LURAP1L: variants seen among roughly 807,000 people sequenced by gnomAD.
LURAP1L encodes leucine rich adaptor protein 1 like, also known as leucine rich adaptor protein 1-like.
In LURAP1L, 12 loss-of-function variants were observed where a neutral mutation model predicts 13.8. The ratio of observed to expected loss-of-function variants is 0.87; its 90% CI spans 0.56 to 1.41. The LOEUF (loss-of-function observed/expected upper bound fraction) is 1.41. LURAP1L is among the 40% of genes most tolerant of loss of function. The pLI, the probability that LURAP1L is intolerant of heterozygous loss-of-function variation, is 0.00. For missense variants in LURAP1L, 375 were observed against 292.9 expected, an observed-to-expected ratio of 1.28 and a Z score of -2.04; for synonymous variants, 139 against 119.2, an observed-to-expected ratio of 1.17 and a Z score of -1.08.
At chr9:12,820,426 T>C (rs1372161379) in intron 1 of LURAP1L, among the ~76,000 whole-genome samples, 3 of 140,170 alleles carry the variant, frequency 2.1e-5, no homozygotes, top group Non-Finnish European at 4.6e-5. Flanking sequence ...TGGCGTGAAC[T>C]CAGGAGGCGG....
At chr9:12,776,205 A>G (rs1586871944) in intron 1 of LURAP1L, among the ~76,000 whole-genome samples, 178 bp downstream of exon 1, 1 of 152,232 alleles carries the variant, frequency 6.6e-6, no homozygotes, top group African/African-American at 2.4e-5. Context: ...AGCTGCTGCG[A>G]GGCTTGTTTA....
At chr9:12,814,125 G>A (rs952629789) in intron 1 of LURAP1L, among the ~76,000 whole-genome samples, 1 of 152,056 alleles carries the variant, frequency 6.6e-6, no homozygotes, top group Non-Finnish European at 1.5e-5. Context: ...ATTTTTCCCA[G>A]GAAGCTGCTT....
intron 1 of LURAP1L, among the ~76,000 whole-genome samples, chr9:12,781,133 G>T (rs924237842): frequency 1.3e-5 from 2 of 151,988 alleles, no homozygotes; most frequent in African/African-American, 4.8e-5. Flanking sequence ...CACTACGCCC[G>T]ACTAATTTTG....
At chr9:12,812,257 G>A (rs1308589369) in intron 1 of LURAP1L, among the ~76,000 whole-genome samples, 2 of 152,182 alleles carry the variant, frequency 1.3e-5, no homozygotes, top group Non-Finnish European at 2.9e-5. Context: ...ATATCTTTGA[G>A]ACTGCCTACC....
chr9:12,777,288 A>G (rs1218794719), intron 1 of LURAP1L: 3 of 985,284 alleles, frequency 3.0e-6, no homozygotes, highest in Non-Finnish European at 3.6e-6. Flanking sequence ...AAAATAGATG[A>G]AAAGATAAAA....
At chr9:12,792,129 G>C (rs866345561) in intron 1 of LURAP1L, among the ~76,000 whole-genome samples, 28 of 152,120 alleles carry the variant, frequency 1.8e-4, no homozygotes, top group African/African-American at 6.3e-4. Context: ...TTTTCAGCCA[G>C]AGCTTCTGAC....
chr9:12,788,402 TA>T (rs1563889228), intron 1 of LURAP1L, among the ~76,000 whole-genome samples: 1 of 151,952 alleles, frequency 6.6e-6, no homozygotes, highest in Admixed American at 6.6e-5. Flanking sequence ...ACTATATTTT[TA>T]AAAAAAGAAA....
At position 12,821,941 on chromosome 9, in the gene LURAP1L, TTC is replaced by T. The variant is rs1043717933; in HGVS notation, c.*185_*186del. On this transcript the variant is annotated 3_prime_UTR_variant, in exon 2 of 2. Transcript: ENST00000319264. ...ACTTCTCATCTGAGCTGATTTATTT[TTC>T]TCTGTTACATCTCTATTTTTTATTT... 9.8e-6 allele frequency: 6 copies of T among 612,056 alleles called. No homozygotes were observed. Among genetic ancestry groups the T allele is most frequent in the South Asian group, 9.4e-5 (3 of 31,814 alleles). 37.9% of individuals were successfully genotyped at this position (612,056 alleles called of 1,614,324 possible).
intron 1 of LURAP1L, 120 bp from the exon 2 acceptor site, chr9:12,821,266 A>T: frequency 8.6e-7 from 1 of 1,164,958 alleles, no homozygotes; most frequent in Non-Finnish European, 1.2e-6. Context: ...CAACCAGTCC[A>T]CTTATATTTT....
At position 12,775,087 on chromosome 9, in the gene LURAP1L, C is replaced by T. The variant is rs1586871025; in HGVS notation, c.-629C>T. The T allele has an allele frequency of 6.6e-6, 1 of 152,226 alleles. No individual in the cohort carries two copies. The highest frequency in any genetic ancestry group is 6.5e-5 in the Admixed American group (1 of 15,284). 9.4% of individuals were successfully genotyped at this position (152,226 alleles called of 1,614,324 possible). On this transcript the variant is annotated 5_prime_UTR_variant, in exon 1 of 2. Coordinates refer to ENST00000319264, the MANE Select transcript of LURAP1L (RefSeq NM_203403.2). Reference sequence around the variant, plus strand: ...TTGCTGCATCAAGGAAGCCGTTAAACTCCTGCTAAGCTAACTAGCTCTTTT... The same window carrying T: ...TTGCTGCATCAAGGAAGCCGTTAAATTCCTGCTAAGCTAACTAGCTCTTTT...
rs756016867 is a variant in LURAP1L, at chr9:12,775,666, G to A, written c.-50G>A. 6.6e-7 allele frequency: 1 copy of A among 1,523,186 alleles called. No homozygotes were observed. The allele number at this position is 1,523,186 out of a possible 1,614,324, so 94.4% of individuals were successfully genotyped here. A position where few individuals can be genotyped will look rare whatever the true frequency, so the allele number is the denominator to read the frequency against. On this transcript the variant is annotated 5_prime_UTR_variant, in exon 1 of 2. Coordinates refer to ENST00000319264, the MANE Select transcript of LURAP1L (RefSeq NM_203403.2). ...CGCAGCAGCCTTCGAAGCCGTGGCT[G>A]CCTTTCATCTGCTGCGTTTTATTAC...
chr9:12,820,950 C>T (rs868745180), intron 1 of LURAP1L, among the ~76,000 whole-genome samples: 1 of 152,190 alleles, frequency 6.6e-6, no homozygotes. Flanking sequence ...TAATCAGAGG[C>T]TTTTAGAGGC....
chr9:12,814,992 A>T (rs1372615648), intron 1 of LURAP1L, among the ~76,000 whole-genome samples: 2 of 152,220 alleles, frequency 1.3e-5, no homozygotes, highest in African/African-American at 4.8e-5. Flanking sequence ...AACAGCACTG[A>T]CTTTTGCATA....
intron 1 of LURAP1L, among the ~76,000 whole-genome samples, chr9:12,805,208 A>G (rs909067901): frequency 5.3e-5 from 8 of 152,246 alleles, no homozygotes; most frequent in Middle Eastern, 3.4e-3. Context: ...AGACTAGAAC[A>G]TTCATTATAT....
At chr9:12,797,091 C>G in intron 1 of LURAP1L, among the ~76,000 whole-genome samples, 1 of 151,964 alleles carries the variant, frequency 6.6e-6, no homozygotes. Flanking sequence ...GATTACCAAA[C>G]AAAAGCAATA....
chr9:12,786,517 A>G (rs1345627531), intron 1 of LURAP1L, among the ~76,000 whole-genome samples: 1 of 133,088 alleles, frequency 7.5e-6, no homozygotes, highest in African/African-American at 2.8e-5. Context: ...CTCTAAAATT[A>G]GATTAAATGG....
At chr9:12,808,170 A>G (rs1428358412) in intron 1 of LURAP1L, among the ~76,000 whole-genome samples, 1 of 151,386 alleles carries the variant, frequency 6.6e-6, no homozygotes, top group South Asian at 2.1e-4. Flanking sequence ...ATGCTCTTCC[A>G]TTTTTTTTAA....
Position 12,776,040 on chromosome 9 carries a change from C to A in LURAP1L, c.312+13C>A. On this transcript the variant is annotated intron_variant, in intron 1 of 1. Coordinates refer to ENST00000319264, the MANE Select transcript of LURAP1L (RefSeq NM_203403.2). ...CAGGCAAGAGATGGTGAGTGTGGTG[C>A]GCCAGCCGCGGGGGCTGGGACCTGG... 1 of 1,612,230 alleles carries A rather than the reference C, an allele frequency of 6.2e-7. No homozygotes were observed.
intron 1 of LURAP1L, among the ~76,000 whole-genome samples, chr9:12,818,056 C>T (rs549513151): frequency 6.6e-6 from 1 of 150,522 alleles, no homozygotes; most frequent in African/African-American, 2.4e-5. Context: ...CAGATCAACA[C>T]GTTCTAACTG....
Sources: allele counts gnomAD v4.1 joint callset (sites outside exome capture counted in the v4.1 genomes callset), GRCh38; gene constraint gnomAD v4.1.1; transcripts MANE v1.5; gene names NCBI Gene and HGNC (gene_info 2026-07-23, HGNC 2026-07-21).